The following SPATA21 variants were observed in gnomAD, a reference collection of about 807,000 sequenced individuals.
The protein encoded by SPATA21 is spermatogenesis-associated protein 21.
Under a neutral mutation model 54.8 loss-of-function variants are expected in SPATA21, and 47 were observed. The ratio of observed to expected loss-of-function variants is 0.86; its 90% CI spans 0.68 to 1.09. The LOEUF (loss-of-function observed/expected upper bound fraction) is 1.09. Ranked by LOEUF, SPATA21 falls within the 50% of genes least tolerant of loss-of-function variation. The probability of loss-of-function intolerance (pLI) is 0.00; values close to 1 mark genes in which losing one functional copy is unlikely to be tolerated. For missense variants in SPATA21, 599 were observed against 596.4 expected (o/e 1.00, Z -0.05); for synonymous variants, 245 against 235.3 (o/e 1.04, Z -0.38).
intron 10 of SPATA21, among the ~76,000 whole-genome samples, chr1:16,402,558 GCTTTT>G (rs1007325168): frequency 6.6e-5 from 10 of 151,458 alleles, no homozygotes; most frequent in Admixed American, 5.9e-4. Flanking sequence ...ACCATGCCTG[GCTTTT>G]CTTTTTTTTA....
intron 7 of SPATA21, chr1:16,408,514 G>A (rs904002791): frequency 1.9e-4 from 192 of 985,660 alleles, no homozygotes; most frequent in Non-Finnish European, 2.2e-4. Flanking sequence ...CACTGTGCAG[G>A]GCATCTGTCA....
chr1:16,418,875 C>G (rs1358368136), intron 5 of SPATA21, among the ~76,000 whole-genome samples: 1 of 152,174 alleles, frequency 6.6e-6, no homozygotes, highest in Non-Finnish European at 1.5e-5. Context: ...TCTCACTAGT[C>G]TGGAGAGGTA....
chr1:16,398,832 G>C lies in SPATA21; in HGVS notation c.1353-10C>G. 1.2e-6 allele frequency: 2 copies of C among 1,611,568 alleles called. No homozygotes were observed. The highest frequency in any genetic ancestry group is 8.5e-7 in the Non-Finnish European group (1 of 1,179,176). Reference sequence around the variant, plus strand: ...GTCAGAGTTGTGTTCCCTGGGGAGAGGAGTAGGGCAGAAGGGTGGGAGACA... The same window carrying C: ...GTCAGAGTTGTGTTCCCTGGGGAGACGAGTAGGGCAGAAGGGTGGGAGACA... On this transcript the variant is annotated splice_polypyrimidine_tract_variant and intron_variant, in intron 12 of 12. Coordinates refer to ENST00000335496, the MANE Select transcript of SPATA21 (RefSeq NM_198546.1).
chr1:16,397,736 G>A, downstream of SPATA21: 1 of 153,400 alleles, frequency 6.5e-6, no homozygotes, highest in Non-Finnish European at 1.5e-5. This position sits in a 1 kb window ranked among gnomAD's most constrained non-coding sequence, Gnocchi z 5.4. Context: ...CAATCAGGGT[G>A]CTCCCCACCT....
chr1:16,417,540 G>T (rs2086046578), intron 5 of SPATA21, among the ~76,000 whole-genome samples: 1 of 151,324 alleles, frequency 6.6e-6, no homozygotes, highest in East Asian at 1.9e-4. Flanking sequence ...CCAGGTTCAA[G>T]CGATTCTCTC....
At chr1:16,411,116 T>TAA (rs770787590) in intron 5 of SPATA21, among the ~76,000 whole-genome samples, 4 of 150,386 alleles carry the variant, frequency 2.7e-5, no homozygotes, top group Non-Finnish European at 4.4e-5. Context: ...ACACACTCTC[T>TAA]CTTCCTAAGT....
intron 1 of SPATA21, among the ~76,000 whole-genome samples, chr1:16,434,141 G>A (rs375598038): frequency 5.9e-5 from 9 of 152,122 alleles, no homozygotes; most frequent in South Asian, 2.1e-4. Context: ...TTCACTTAAC[G>A]TCATGTTTTC....
chr1:16,424,225 A>G (rs1393912585), intron 3 of SPATA21, among the ~76,000 whole-genome samples: 1 of 107,334 alleles, frequency 9.3e-6, no homozygotes, highest in Admixed American at 1.0e-4. Context: ...AGGCAGGAGA[A>G]TGGCATGAAC....
rs1210746852 is a variant in SPATA21 at position 16,428,964 on chromosome 1, G to A, written c.34+2374C>T. ...AACATCACACAGCTGGGTAAGTGGT[G>A]GGACTGGGACCCCATGACGGTGCTT... On this transcript the variant is annotated intron_variant, in intron 3 of 12. Coordinates refer to ENST00000335496, the MANE Select transcript of SPATA21 (RefSeq NM_198546.1). This position sits in a 1 kb window ranked among gnomAD's most constrained non-coding sequence, Gnocchi z 4.3. 1.3e-5 allele frequency among the ~76,000 whole-genome samples: 2 copies of A among 152,122 alleles called. No individual in the cohort carries two copies. Among genetic ancestry groups the A allele is most frequent in the Admixed American group, 6.6e-5 (1 of 15,252 alleles).
At chr1:16,406,895 CT>C (rs1295250008) in intron 7 of SPATA21, among the ~76,000 whole-genome samples, 3 of 152,224 alleles carry the variant, frequency 2.0e-5, no homozygotes, top group African/African-American at 4.8e-5. Flanking sequence ...TGCCGACCCC[CT>C]GATCTTGGAC....
At chr1:16,400,102 C>A (rs1472998328) in intron 11 of SPATA21, among the ~76,000 whole-genome samples, 1 of 152,000 alleles carries the variant, frequency 6.6e-6, no homozygotes, top group Non-Finnish European at 1.5e-5. Flanking sequence ...TCTCGGCTCA[C>A]TGCAACCTCC....
At chr1:16,435,108 C>T (rs1017972959) in intron 1 of SPATA21, among the ~76,000 whole-genome samples, 3 of 152,132 alleles carry the variant, frequency 2.0e-5, no homozygotes, top group African/African-American at 7.2e-5. Context: ...CCTCCCGCCT[C>T]AGCCTCCCAG....
intron 7 of SPATA21, 124 bp from the exon 8 acceptor site, chr1:16,405,228 G>T: frequency 7.3e-7 from 1 of 1,368,374 alleles, no homozygotes; most frequent in Non-Finnish European, 9.7e-7. Context: ...ATTGCTGGGT[G>T]CGTTGGCTCA....
At chr1:16,401,315 G>C (rs2085440080) in intron 10 of SPATA21, among the ~76,000 whole-genome samples, 1 of 152,194 alleles carries the variant, frequency 6.6e-6, no homozygotes, top group African/African-American at 2.4e-5. Context: ...GTGGCGGGGA[G>C]ACAGAGTCTC....
chr1:16,420,379 C>A (rs1008350687), intron 5 of SPATA21, among the ~76,000 whole-genome samples: 1 of 151,872 alleles, frequency 6.6e-6, no homozygotes, highest in Non-Finnish European at 1.5e-5. Flanking sequence ...GCTTTTGACG[C>A]CAGGTATGTT....
Position 16,409,763 on chromosome 1 carries a change from G to T in SPATA21, c.425C>A (p.Ala142Asp). 1 of 1,606,374 alleles carries T rather than the reference G, an allele frequency of 6.2e-7. No homozygotes were observed. Residue 142 changes from alanine (A) to aspartate (D), a missense_variant, in exon 6 of 13, where the codon GCC becomes GAC. Transcript: ENST00000335496. The surrounding 1 kb of genome is among the most constrained non-coding windows in gnomAD (Gnocchi z 4.1). ...ASVPASGPSW[A>D]RLPAPGPEPA... ...TTCTGGCCCAGGAGCTGGCAGCCGGGCCCACGATGGGCCGCTGGCAGGGAC... is the reference window on the plus strand; with the variant it reads ...TTCTGGCCCAGGAGCTGGCAGCCGGTCCCACGATGGGCCGCTGGCAGGGAC...
In SPATA21 at chr1:16,398,766, C is replaced by T. The variant is rs771031153; in HGVS notation, c.1409G>A (p.Ter470=). ...GCCTAGAGTCAGGCCTCCAGAGGGT[C>T]AGTGGGTTCGAGCTGGCACAGAGCT... is the stretch of plus-strand genomic sequence containing the variant. ...WLSSVPARTH[*] The change falls in exon 13 of 13, where the codon TGA becomes TAA. Residue 470 remains the stop codon, a stop_retained_variant. Transcript: ENST00000335496. 29 of 1,613,742 alleles carry T rather than the reference C, an allele frequency of 1.8e-5. No homozygotes were observed. The East Asian group carries it at 5.1e-4, about 29-fold the overall frequency.
At chr1:16,419,991 A>T (rs935120246) in intron 5 of SPATA21, among the ~76,000 whole-genome samples, 1 of 152,024 alleles carries the variant, frequency 6.6e-6, no homozygotes, top group Non-Finnish European at 1.5e-5. Flanking sequence ...GGGAATCATC[A>T]GAGGGACTGA....
At chr1:16,397,103 C>T (rs138769551), downstream of SPATA21, 4 of 152,380 alleles carry the variant, frequency 2.6e-5, no homozygotes, top group East Asian at 1.9e-4. This position sits in a 1 kb window ranked among gnomAD's most constrained non-coding sequence, Gnocchi z 5.4. Flanking sequence ...CAGGTGGGAA[C>T]GCCAGAAGTG....
Sources: gnomAD v4.1 joint callset for allele counts (sites outside exome capture counted in the v4.1 genomes callset) on GRCh38, gnomAD v4.1.1 for gene constraint, Gnocchi (gnomAD v3.1) non-coding constraint, MANE v1.5 for transcripts, NCBI Gene and HGNC (gene_info 2026-07-23, HGNC 2026-07-21) for gene names.